Variants in IMPA1 observed in about 807,000 individuals in gnomAD.
The protein encoded by IMPA1 is D-galactose 1-phosphate phosphatase.
IMPA1 carries 21 observed loss-of-function variants against 34.9 expected under a neutral mutation model. The ratio of observed to expected loss-of-function variants is 0.60; its 90% CI spans 0.43 to 0.87. IMPA1 has a LOEUF of 0.87. IMPA1 is among the 40% of genes least tolerant of loss of function. The pLI is 0.00. For synonymous variants in IMPA1, 95 were observed against 104.4 expected, an observed-to-expected ratio of 0.91 and a Z score of 0.55; for missense variants, 299 against 336.4, an observed-to-expected ratio of 0.89 and a Z score of 0.87.
At chr8:81,675,329 T>C (rs1316467052) in intron 5 of IMPA1, among the ~76,000 whole-genome samples, 1 of 150,934 alleles carries the variant, frequency 6.6e-6, no homozygotes, top group Non-Finnish European at 1.5e-5. Context: ...CCTGCTGTTA[T>C]GAAGATTTTC....
chr8:81,680,352 TAGG>T (rs143660015), intron 3 of IMPA1, among the ~76,000 whole-genome samples: 1,601 of 152,304 alleles, frequency 0.011, 17 homozygotes, highest in African/African-American at 0.035. Context: ...TGCTCTGGAC[TAGG>T]AGATGTCAGC....
At chr8:81,681,688 CT>C (rs1217219457) in intron 1 of IMPA1, 104 bp from the exon 2 acceptor site, 6 of 682,120 alleles carry the variant, frequency 8.8e-6, no homozygotes, top group Non-Finnish European at 1.3e-5. Flanking sequence ...GATTCACCCC[CT>C]GCCCTAGAGT....
chr8:81,685,815 C>T (rs1807502200), intron 1 of IMPA1: 1 of 1,548,440 alleles, frequency 6.5e-7, no homozygotes, highest in Non-Finnish European at 8.7e-7. Flanking sequence ...TGTTTCTGTC[C>T]TGGTCACAGC....
chr8:81,681,151 TTTGGGAGGCCAAGGTGG>T (rs1442614655), intron 2 of IMPA1, among the ~76,000 whole-genome samples: 1 of 152,156 alleles, frequency 6.6e-6, no homozygotes, highest in Non-Finnish European at 1.5e-5. Flanking sequence ...ATCCCAGCAC[TTTGGGAGGCCAAGGTGG>T]TCCAGGAATT....
At chr8:81,672,766 T>C in intron 6 of IMPA1, among the ~76,000 whole-genome samples, 1 of 152,232 alleles carries the variant, frequency 6.6e-6, no homozygotes, top group East Asian at 1.9e-4. Context: ...TAAATTGCCA[T>C]TCAGCTTATA....
At chr8:81,674,138 A>C in intron 5 of IMPA1, 189 bp from the exon 6 acceptor site, 8 of 488,878 alleles carry the variant, frequency 1.6e-5, no homozygotes, top group East Asian at 3.2e-5. Context: ...GATATCCTTG[A>C]CTCTCCTCCC....
chr8:81,667,514 C>T (rs1806863917), intron 7 of IMPA1, among the ~76,000 whole-genome samples: 1 of 151,850 alleles, frequency 6.6e-6, no homozygotes, highest in Non-Finnish European at 1.5e-5. Flanking sequence ...CAAACAGAAG[C>T]GGCTTTGAAA....
At chr8:81,685,886 G>C in intron 1 of IMPA1, 1 of 1,547,496 alleles carries the variant, frequency 6.5e-7, no homozygotes, top group East Asian at 2.5e-5. Context: ...CCGCGACTGC[G>C]GGCAGCACAG....
chr8:81,675,882 C>T (rs1470607253), intron 5 of IMPA1, among the ~76,000 whole-genome samples: 2 of 152,226 alleles, frequency 1.3e-5, no homozygotes, highest in Non-Finnish European at 2.9e-5. Context: ...CTAACACCTA[C>T]TAAAGCATTC....
rs1442076876 is a variant in IMPA1 at position 81,673,882 on chromosome 8, G to C, written c.416C>G (p.Ala139Gly). 2 of 1,612,870 alleles carry C rather than the reference G, an allele frequency of 1.2e-6. No homozygotes were observed. The highest frequency in any genetic ancestry group is 1.7e-6 in the Non-Finnish European group (2 of 1,179,088). The stretch of plus-strand genomic sequence containing the variant: ...TTGTAGTTTTTGACCATTACAAAAG[G>C]CACCTTTTCCTTTTCTGGCAGTGTA... The part of the protein sequence containing the change: ...KMYTARKGKG[A>G]FCNGQKLQVS... The change falls in exon 6 of 9, where the codon GCC becomes GGC. Residue 139 changes from alanine to glycine, a missense_variant. Ala to Gly is a moderately conservative substitution (Grantham distance 60). Coordinates refer to ENST00000256108, the MANE Select transcript of IMPA1 (RefSeq NM_005536.4).
intron 1 of IMPA1, among the ~76,000 whole-genome samples, chr8:81,683,938 T>C (rs1002809306): frequency 6.6e-6 from 1 of 152,098 alleles, no homozygotes; most frequent in African/African-American, 2.4e-5. Context: ...CTTTCTCCTG[T>C]ATATGGGGCA....
intron 3 of IMPA1, 50 bp from the exon 4 acceptor site, chr8:81,679,280 T>C (rs752603391): frequency 3.3e-6 from 4 of 1,197,106 alleles, no homozygotes; most frequent in Non-Finnish European, 2.5e-6. Context: ...ATTTCAACAA[T>C]TTCCAAATCA....
Position 81,659,193 on chromosome 8 carries a change from GCAAA to G in IMPA1, c.*154_*157del, listed in dbSNP as rs1806594195. 3.3e-6 allele frequency: 2 copies of G among 612,504 alleles called. No individual in the cohort carries two copies. Among genetic ancestry groups the G allele is most frequent in the African/African-American group, 3.8e-5 (2 of 52,716 alleles). The allele number at this position is 612,504 out of a possible 1,614,324, so 37.9% of individuals were successfully genotyped here. A position where few individuals can be genotyped will look rare whatever the true frequency, so the allele number is the denominator to read the frequency against. On this transcript the variant is annotated 3_prime_UTR_variant, in exon 9 of 9. Coordinates refer to ENST00000256108, the MANE Select transcript of IMPA1 (RefSeq NM_005536.4). ...TGAAACAAACATTATGTCAATTCTT[GCAAA>G]CCTAGACATAGTAAAATAAGAAACA...
chr8:81,682,827 T>A (rs1807339527), intron 1 of IMPA1, among the ~76,000 whole-genome samples: 1 of 152,118 alleles, frequency 6.6e-6, no homozygotes. Context: ...CACCCAGAAG[T>A]CACTATGTCC....
chr8:81,667,758 G>C (rs1806873726), intron 7 of IMPA1, among the ~76,000 whole-genome samples: 3 of 151,970 alleles, frequency 2.0e-5, no homozygotes, highest in Admixed American at 2.0e-4. Context: ...TCGGATCCTG[G>C]AGGAAAGGCC....
chr8:81,674,085 T>C, intron 5 of IMPA1, 136 bp from the exon 6 acceptor site: 1 of 592,182 alleles, frequency 1.7e-6, no homozygotes, highest in South Asian at 2.2e-5. Flanking sequence ...ATACTTAAAA[T>C]GTTAATTTCC....
chr8:81,662,055 A>T (rs926453265), intron 7 of IMPA1, among the ~76,000 whole-genome samples: 14 of 152,212 alleles, frequency 9.2e-5, no homozygotes, highest in African/African-American at 3.4e-4. Context: ...AATAAATTTT[A>T]AAAAGGATTA....
At chr8:81,666,617 T>C (rs1806829648) in intron 7 of IMPA1, among the ~76,000 whole-genome samples, 1 of 152,118 alleles carries the variant, frequency 6.6e-6, no homozygotes, top group Non-Finnish European at 1.5e-5. Context: ...CTCACGCCTG[T>C]AATCCCAGAA....
In IMPA1 at chr8:81,660,641, A is replaced by G. The variant is rs1164666258; in HGVS notation, c.593T>C (p.Val198Ala). The G allele has an allele frequency of 3.1e-6, 5 of 1,613,384 alleles. No individual in the cohort carries two copies. The highest frequency in any genetic ancestry group is 3.4e-6 in the Non-Finnish European group (4 of 1,179,446). ...HGIRSVGTAA[V>A]NMCLVATGGA... ...GCCAGTTGCCACAAGGCACATATTA[A>G]CAGCTGCTGTTCCAACACTCCGGAT... The change falls in exon 8 of 9, where the codon GTT (valine) becomes GCT (alanine). Residue 198 changes from valine (V) to alanine (A), a missense_variant. Transcript: ENST00000256108.
Sources: allele counts gnomAD v4.1 joint callset (sites outside exome capture counted in the v4.1 genomes callset), GRCh38; gene constraint gnomAD v4.1.1; transcripts MANE v1.5; gene names NCBI Gene and HGNC (gene_info 2026-07-23, HGNC 2026-07-21).